The following DCUN1D1 variants were observed in gnomAD, a reference collection of about 807,000 sequenced individuals.
The protein encoded by DCUN1D1 is DCN1-like protein 1.
A neutral mutation model predicts 39.0 loss-of-function variants in DCUN1D1; 3 were observed. That is an observed-to-expected ratio of 0.08 (90% CI 0.04 to 0.20). The LOEUF (loss-of-function observed/expected upper bound fraction) is 0.20. Ranked by LOEUF, DCUN1D1 falls within the 10% of genes least tolerant of loss-of-function variation. DCUN1D1 has a pLI of 1.00. For missense variants in DCUN1D1, 158 were observed against 302.4 expected (o/e 0.52, Z 3.54); for synonymous variants, 82 against 96.3 (o/e 0.85, Z 0.87).
rs532431732 is a variant in DCUN1D1 at position 182,940,928 on chromosome 3, T to C, written c.*4166A>G. 85 of 152,308 alleles carry C rather than the reference T, an allele frequency of 5.6e-4. No individual in the cohort carries two copies. Among genetic ancestry groups the C allele is most frequent in the Non-Finnish European group, 1.2e-3 (80 of 68,022 alleles). The allele number at this position is 152,308 out of a possible 1,614,324, so 9.4% of individuals were successfully genotyped here. A position where few individuals can be genotyped will look rare whatever the true frequency, so the allele number is the denominator to read the frequency against. ...TCCCTTTAAAACTCCATAAAGACAT[T>C]ACTTATTGAGAATTCCACTAACTAC... On this transcript the variant is annotated 3_prime_UTR_variant, in exon 7 of 7. Coordinates refer to ENST00000292782, the MANE Select transcript of DCUN1D1 (RefSeq NM_020640.4).
chr3:182,945,380 C>T (rs1462256299), intron 6 of DCUN1D1, among the ~76,000 whole-genome samples: 1 of 152,138 alleles, frequency 6.6e-6, no homozygotes, highest in African/African-American at 2.4e-5. Flanking sequence ...TGATTTATTA[C>T]TCCAACATTT....
chr3:182,980,534 C>A lies in DCUN1D1; in HGVS notation c.-45G>T. The stretch of plus-strand genomic sequence containing the variant: ...CTCCCCTCCTCCTCCGGCTCCGCAG[C>A]GAATGGACGGCGGCGGCGGCGGCGG... On this transcript the variant is annotated 5_prime_UTR_variant, in exon 1 of 7. Coordinates refer to ENST00000292782, the MANE Select transcript of DCUN1D1 (RefSeq NM_020640.4). The A allele has an allele frequency of 1.6e-6, 2 of 1,230,208 alleles. No individual in the cohort carries two copies. The highest frequency in any genetic ancestry group is 2.0e-5 in the South Asian group (1 of 50,896). 76.2% of individuals were successfully genotyped at this position (1,230,208 alleles called of 1,614,324 possible).
chr3:182,963,503 T>C (rs1727509307), intron 3 of DCUN1D1, among the ~76,000 whole-genome samples: 1 of 152,220 alleles, frequency 6.6e-6, no homozygotes, highest in South Asian at 2.1e-4. Flanking sequence ...AAACAAGTAG[T>C]AACTTCTAAG....
At position 182,947,917 on chromosome 3, in the gene DCUN1D1, A is replaced by T. The variant is rs551552699; in HGVS notation, c.521-285T>A. On this transcript the variant is annotated intron_variant, in intron 4 of 6. Coordinates refer to ENST00000292782, the MANE Select transcript of DCUN1D1 (RefSeq NM_020640.4). ...AATGCAGTTAAACATAGTAGCTCAC[A>T]AAAGTGTTCAAATATTAGTTACTGT... Among the ~76,000 whole-genome samples the T allele has an allele frequency of 2.3e-3, 355 of 152,340 alleles. 2 individuals are homozygous for T. The highest frequency in any genetic ancestry group is 0.012 in the South Asian group (58 of 4,826).
At position 182,942,008 on chromosome 3, in the gene DCUN1D1, T is replaced by C. The variant is rs1324130923; in HGVS notation, c.*3086A>G. 6.6e-6 allele frequency: 1 copy of C among 152,122 alleles called. No homozygotes were observed. The highest frequency in any genetic ancestry group is 2.4e-5 in the African/African-American group (1 of 41,446). 9.4% of individuals were successfully genotyped at this position (152,122 alleles called of 1,614,324 possible). On this transcript the variant is annotated 3_prime_UTR_variant, in exon 7 of 7. Transcript: ENST00000292782. Reference sequence around the variant, plus strand: ...TAAATGAACACTTCATTCATTTAAGTCTGAGGAAAAAATAGTGTACCTTGC... The same window carrying C: ...TAAATGAACACTTCATTCATTTAAGCCTGAGGAAAAAATAGTGTACCTTGC...
At chr3:182,967,128 C>CTATATATATATATATATA (rs60339329) in intron 1 of DCUN1D1, among the ~76,000 whole-genome samples, 362 of 143,448 alleles carry the variant, frequency 2.5e-3, no homozygotes, top group African/African-American at 9.3e-3. Flanking sequence ...AACAAAAAAA[C>CTATATATATATATATATA]TATATATATA....
In DCUN1D1 at chr3:182,951,760, G is replaced by A. The variant is rs556675475; in HGVS notation, c.521-4128C>T. On this transcript the variant is annotated intron_variant, in intron 4 of 6. Transcript: ENST00000292782. ...TGCCCAGGCTGGAGTGCAGTGGTGC[G>A]ATCCCTGCTCACCACAACCTCCGCC... Among the ~76,000 whole-genome samples, 8 of 147,822 alleles carry A rather than the reference G, an allele frequency of 5.4e-5. No homozygotes were observed. In the South Asian group the frequency reaches 6.5e-4, roughly 12 times the overall value.
rs1726141708 is a variant in DCUN1D1 at position 182,941,728 on chromosome 3, C to T, written c.*3366G>A. On this transcript the variant is annotated 3_prime_UTR_variant, in exon 7 of 7. Transcript: ENST00000292782. ...ATACACAATTTAACATTTAAAACTA[C>T]ATAAATTAATTCTTGCTAAAAGTTG... The T allele has an allele frequency of 6.6e-6, 1 of 152,004 alleles. No individual in the cohort carries two copies. The highest frequency in any genetic ancestry group is 1.5e-5 in the Non-Finnish European group (1 of 67,948). The allele number at this position is 152,004 out of a possible 1,614,324, so 9.4% of individuals were successfully genotyped here.
intron 1 of DCUN1D1, chr3:182,980,176 CCCCACCCGCGCCGGGCCCCGGCAAGG>C: frequency 1.8e-6 from 1 of 562,990 alleles, no homozygotes; most frequent in Non-Finnish European, 2.3e-6. Flanking sequence ...CCAACGCCTC[CCCCACCCGCGCCGGGCCCCGGCAAGG>C]GGCACCGGGG....
chr3:182,960,822 A>C (rs1221652868), intron 4 of DCUN1D1, among the ~76,000 whole-genome samples: 1 of 152,200 alleles, frequency 6.6e-6, no homozygotes, highest in Non-Finnish European at 1.5e-5. Flanking sequence ...AAATCATAAC[A>C]AAAAAGAATA....
At chr3:182,968,169 A>G (rs1727764286) in intron 1 of DCUN1D1, among the ~76,000 whole-genome samples, 1 of 152,074 alleles carries the variant, frequency 6.6e-6, no homozygotes, top group African/African-American at 2.4e-5. Context: ...TCAGCCTCCC[A>G]AAGTGCTGGG....
intron 1 of DCUN1D1, among the ~76,000 whole-genome samples, chr3:182,971,962 G>A (rs1034955949): frequency 1.3e-5 from 2 of 151,038 alleles, no homozygotes; most frequent in Admixed American, 1.3e-4. Context: ...AAATGTGAAC[G>A]ATTTGCATTC....
rs1292614488 is a variant in DCUN1D1 at position 182,940,250 on chromosome 3, T to C, written c.*4844A>G. ...TATAAGGTTTTCTCAGAATATTTCA[T>C]AACCTGAAATAAAATTATAATATTC... is the stretch of plus-strand genomic sequence containing the variant. On this transcript the variant is annotated 3_prime_UTR_variant, in exon 7 of 7. Coordinates refer to ENST00000292782, the MANE Select transcript of DCUN1D1 (RefSeq NM_020640.4). 6.6e-6 allele frequency: 1 copy of C among 152,194 alleles called. No homozygotes were observed. Among genetic ancestry groups the C allele is most frequent in the Non-Finnish European group, 1.5e-5 (1 of 68,034 alleles). The allele number at this position is 152,194 out of a possible 1,614,324, so 9.4% of individuals were successfully genotyped here.
chr3:182,983,607 T>C (rs1728629932), upstream of DCUN1D1, among the ~76,000 whole-genome samples: 1 of 151,998 alleles, frequency 6.6e-6, no homozygotes, highest in African/African-American at 2.4e-5. Flanking sequence ...GTCCGGAGGC[T>C]GAGGCAGGAG....
In DCUN1D1 at chr3:182,965,764, C is replaced by A; in HGVS notation, c.4-11G>T. The A allele has an allele frequency of 6.3e-7, 1 of 1,586,942 alleles. No homozygotes were observed. Among genetic ancestry groups the A allele is most frequent in the Non-Finnish European group, 8.6e-7 (1 of 1,159,020 alleles). ...TGATTTCAACTTGTTCTATTGAAACCAGAAAATAAACTGAAACTCTATGTA... is the reference window on the plus strand; with the variant it reads ...TGATTTCAACTTGTTCTATTGAAACAAGAAAATAAACTGAAACTCTATGTA... On this transcript the variant is annotated splice_polypyrimidine_tract_variant and intron_variant, in intron 1 of 6. Transcript: ENST00000292782.
intron 2 of DCUN1D1, 38 bp downstream of exon 2, chr3:182,965,499 G>T: frequency 7.1e-7 from 1 of 1,407,728 alleles, no homozygotes; most frequent in Non-Finnish European, 9.9e-7. Flanking sequence ...TGGAAAATCT[G>T]GTCCAAAATT....
intron 1 of DCUN1D1, among the ~76,000 whole-genome samples, chr3:182,977,339 T>C (rs977715849): frequency 6.6e-6 from 1 of 152,220 alleles, no homozygotes; most frequent in African/African-American, 2.4e-5. Flanking sequence ...GCTATGAGTC[T>C]AAAAATCATT....
At chr3:182,947,526 G>T in intron 5 of DCUN1D1, 24 bp downstream of exon 5, 1 of 1,363,286 alleles carries the variant, frequency 7.3e-7, no homozygotes, top group Non-Finnish European at 1.0e-6. Flanking sequence ...AAAACAGAGA[G>T]AAATGTAGAA....
rs566206020 is a variant in DCUN1D1, at chr3:182,971,001, G to A, written c.4-5248C>T. 8.5e-5 allele frequency among the ~76,000 whole-genome samples: 13 copies of A among 152,310 alleles called. No individual in the cohort carries two copies. The South Asian group carries it at 2.7e-3, about 32-fold the overall frequency. On this transcript the variant is annotated intron_variant, in intron 1 of 6. Transcript: ENST00000292782. ...CCAGGAAAGTCAGAATAGGAATCTAGGTAGGAGTAGCTCTATCTCTTTCCT... is the reference window on the plus strand; with the variant it reads ...CCAGGAAAGTCAGAATAGGAATCTAAGTAGGAGTAGCTCTATCTCTTTCCT...
Sources: gnomAD v4.1 joint callset for allele counts (sites outside exome capture counted in the v4.1 genomes callset) on GRCh38, gnomAD v4.1.1 for gene constraint, MANE v1.5 for transcripts, NCBI Gene and HGNC (gene_info 2026-07-23, HGNC 2026-07-21) for gene names.